Variants in SYNJ1 observed in about 807,000 individuals in gnomAD.
SYNJ1 encodes the protein polyphosphatidylinositol phosphatase SYNJ1.
Under a neutral mutation model 168.2 loss-of-function variants are expected in SYNJ1, and 78 were observed. That is an observed-to-expected ratio of 0.46 (90% CI 0.39 to 0.56). The LOEUF (loss-of-function observed/expected upper bound fraction) is 0.56, where lower values mean the gene tolerates loss of function less well. Ranked by LOEUF, SYNJ1 falls within the 20% of genes least tolerant of loss-of-function variation. The pLI is 0.00. For synonymous variants in SYNJ1, 539 were observed against 548.6 expected (o/e 0.98, Z 0.24); for missense variants, 1,303 against 1,597.6 (o/e 0.82, Z 3.14).
intron 2 of SYNJ1, among the ~76,000 whole-genome samples, chr21:32,706,078 T>C (rs902942419): frequency 4.6e-5 from 7 of 152,136 alleles, no homozygotes; most frequent in African/African-American, 1.4e-4. Flanking sequence ...AAAAGCACCA[T>C]TGCTGCAATA....
chr21:32,634,584 A>G lies in SYNJ1; in HGVS notation c.*3+277T>C, dbSNP rs147290377. Among the ~76,000 whole-genome samples, 1,161 of 152,328 alleles carry G rather than the reference A, an allele frequency of 7.6e-3. 7 individuals are homozygous for G. Among genetic ancestry groups the G allele is most frequent in the Non-Finnish European group, 0.013 (904 of 68,030 alleles). ...GCCAAAAAGGCCTTCATATACCTAA[A>G]TCTTACTTTCTTGAAGTTACACTTT... On this transcript the variant is annotated intron_variant, in intron 32 of 32. Coordinates refer to ENST00000674351, the MANE Select transcript of SYNJ1 (RefSeq NM_203446.3).
chr21:32,727,956 G>C lies in SYNJ1; in HGVS notation c.-33C>G, dbSNP rs1417267333. On this transcript the variant is annotated 5_prime_UTR_variant, in exon 1 of 33. Coordinates refer to ENST00000674351, the MANE Select transcript of SYNJ1 (RefSeq NM_203446.3). ...CGCCGGCTTGCTCACCTCTTCCTCC[G>C]GCTCCTCCTCCTCCTTCTCCCGCAG... is the stretch of plus-strand genomic sequence containing the variant. The C allele has an allele frequency of 1.3e-6, 2 of 1,533,726 alleles. No homozygotes were observed. The highest frequency in any genetic ancestry group is 2.5e-5 in the East Asian group (1 of 40,582).
At chr21:32,655,850 C>T (rs749127840) in intron 21 of SYNJ1, among the ~76,000 whole-genome samples, 1 of 152,058 alleles carries the variant, frequency 6.6e-6, no homozygotes, top group African/African-American at 2.4e-5. Context: ...AGGAAACAGG[C>T]ATCTGGTTCT....
chr21:32,664,386 T>C (rs2040837909), intron 18 of SYNJ1, among the ~76,000 whole-genome samples: 1 of 152,190 alleles, frequency 6.6e-6, no homozygotes, highest in South Asian at 2.1e-4. Context: ...AAGGCAGAAA[T>C]GGAATCACAG....
chr21:32,632,682 G>A (rs535186282), intron 32 of SYNJ1, among the ~76,000 whole-genome samples: 7 of 152,208 alleles, frequency 4.6e-5, no homozygotes, highest in South Asian at 4.1e-4. Context: ...CACCATGCCC[G>A]GCACAGCTGA....
intron 18 of SYNJ1, among the ~76,000 whole-genome samples, chr21:32,664,122 TC>T (rs2040826688): frequency 6.6e-6 from 1 of 152,196 alleles, no homozygotes; most frequent in Non-Finnish European, 1.5e-5. Flanking sequence ...TGCTTACTGC[TC>T]CCTTGTTTGC....
At chr21:32,695,641 T>TTATG (rs1374457313) in intron 4 of SYNJ1, among the ~76,000 whole-genome samples, 1 of 144,048 alleles carries the variant, frequency 6.9e-6, no homozygotes, top group Non-Finnish European at 1.5e-5. Context: ...AAATATTTAT[T>TTATG]TATTTATTTA....
chr21:32,659,472 G>A (rs1206354863), intron 18 of SYNJ1, among the ~76,000 whole-genome samples: 1 of 152,124 alleles, frequency 6.6e-6, no homozygotes, highest in Non-Finnish European at 1.5e-5. Flanking sequence ...CAAGCAGATA[G>A]CCCAGCACTG....
intron 15 of SYNJ1, among the ~76,000 whole-genome samples, chr21:32,668,009 ATGTGTGTGTGTGTGTGTGTGTGTGTGTG>A (rs3056370): frequency 1.4e-5 from 2 of 143,902 alleles, no homozygotes; most frequent in African/African-American, 5.2e-5. Context: ...AAGAATATAT[ATGTGTGTGTGTGTGTGTGTGTGTGTGTG>A]TGTGTGTGTG....
At chr21:32,665,833 TA>T in intron 17 of SYNJ1, 109 bp downstream of exon 17, 2 of 1,114,810 alleles carry the variant, frequency 1.8e-6, no homozygotes, top group Non-Finnish European at 2.5e-6. Flanking sequence ...TGAATATTCT[TA>T]ATGTTTCTAG....
chr21:32,666,636 C>G, intron 15 of SYNJ1, 63 bp from the exon 16 acceptor site: 1 of 1,507,582 alleles, frequency 6.6e-7, no homozygotes, highest in Non-Finnish European at 9.0e-7. Flanking sequence ...TATTTTATGA[C>G]AATTGTCAAT....
intron 2 of SYNJ1, among the ~76,000 whole-genome samples, chr21:32,721,305 G>T (rs2043211529): frequency 6.6e-6 from 1 of 152,210 alleles, no homozygotes; most frequent in Non-Finnish European, 1.5e-5. Flanking sequence ...TTATCTAAGG[G>T]TAAGAACTTT....
chr21:32,716,396 T>C (rs1463013362), intron 2 of SYNJ1, among the ~76,000 whole-genome samples: 2 of 152,242 alleles, frequency 1.3e-5, no homozygotes, highest in Non-Finnish European at 2.9e-5. Flanking sequence ...GAAAAGTCTT[T>C]ACATCTTCAT....
At position 32,656,678 on chromosome 21, in the gene SYNJ1, A is replaced by C. The variant is rs1569050182; in HGVS notation, c.2795+9T>G. The C allele has an allele frequency of 6.2e-7, 1 of 1,603,456 alleles. No homozygotes were observed. The highest frequency in any genetic ancestry group is 1.7e-5 in the Admixed American group (1 of 58,512). On this transcript the variant is annotated intron_variant, in intron 21 of 32. Coordinates refer to ENST00000674351, the MANE Select transcript of SYNJ1 (RefSeq NM_203446.3). Reference sequence around the variant, plus strand: ...ATCACAAGCTACTTTTGCATAATAAACATCTTACCTTATAAGTATAACTTC... The same window carrying C: ...ATCACAAGCTACTTTTGCATAATAACCATCTTACCTTATAAGTATAACTTC...
chr21:32,680,085 T>C (rs1353759359), intron 11 of SYNJ1, among the ~76,000 whole-genome samples: 8 of 152,178 alleles, frequency 5.3e-5, no homozygotes, highest in South Asian at 4.1e-4. Context: ...GCAAGAATTA[T>C]GTTGTTTAAA....
Position 32,653,313 on chromosome 21 carries a change from T to A in SYNJ1, c.2849A>T (p.Asn950Ile), listed in dbSNP as rs753487763. ...CTCTTTACCATTTAGGCTCAGAACATTCAAGGCAGAGCTTCCCTCCAAAAA... is the reference window on the plus strand; with the variant it reads ...CTCTTTACCATTTAGGCTCAGAACAATCAAGGCAGAGCTTCCCTCCAAAAA... ...VTFLEGSSALNVLSLNGKELL... is the reference protein window; with the variant it reads ...VTFLEGSSALIVLSLNGKELL... The change falls in exon 22 of 33, where the codon AAT (asparagine) becomes ATT (isoleucine). Residue 950 changes from asparagine (N) to isoleucine (I), a missense_variant. Physicochemically the swap from Asn to Ile is moderately radical, Grantham distance 149. This residue lies in a region of SYNJ1 where 920 missense variants were observed against 1,208.8 expected (regional missense o/e 0.76). Coordinates refer to ENST00000674351, the MANE Select transcript of SYNJ1 (RefSeq NM_203446.3). 2.5e-6 allele frequency: 4 copies of A among 1,613,936 alleles called. No homozygotes were observed. In the Admixed American group the frequency reaches 6.7e-5, roughly 27 times the overall value.
chr21:32,672,792 A>C (rs1348023720), intron 14 of SYNJ1, among the ~76,000 whole-genome samples: 1 of 152,234 alleles, frequency 6.6e-6, no homozygotes, highest in Non-Finnish European at 1.5e-5. Flanking sequence ...AAATATCACA[A>C]GTTTTATAAG....
chr21:32,642,483 C>A (rs767325591), intron 27 of SYNJ1, among the ~76,000 whole-genome samples: 1 of 152,204 alleles, frequency 6.6e-6, no homozygotes, highest in Non-Finnish European at 1.5e-5. Flanking sequence ...CAAGATGCGG[C>A]ACTGCTGCCC....
rs957768187 is a variant in SYNJ1, at chr21:32,629,016, A to C, written c.*2789T>G. The C allele has an allele frequency of 2.0e-5, 3 of 152,702 alleles. No individual in the cohort carries two copies. The highest frequency in any genetic ancestry group is 4.4e-5 in the Non-Finnish European group (3 of 68,054). The allele number at this position is 152,702 out of a possible 1,614,324, so 9.5% of individuals were successfully genotyped here. A position where few individuals can be genotyped will look rare whatever the true frequency, so the allele number is the denominator to read the frequency against. On this transcript the variant is annotated 3_prime_UTR_variant, in exon 33 of 33. Coordinates refer to ENST00000674351, the MANE Select transcript of SYNJ1 (RefSeq NM_203446.3). ...CTAGTAAATATTTAATAATACATAG[A>C]ATAATGGCTAGTTATTTGCAGCATA... is the stretch of plus-strand genomic sequence containing the variant.
Sources: gnomAD v4.1 joint callset for allele counts (sites outside exome capture counted in the v4.1 genomes callset) on GRCh38, gnomAD v4.1.1 for gene constraint, gnomAD v4.1.1 regional missense constraint, MANE v1.5 for transcripts, NCBI Gene and HGNC (gene_info 2026-07-23, HGNC 2026-07-21) for gene names.